Variants in PCDHA5 observed in about 807,000 individuals in gnomAD.
PCDHA5 encodes the protein protocadherin alpha-5.
A neutral mutation model predicts 61.6 loss-of-function variants in PCDHA5; 43 were observed. The ratio of observed to expected loss-of-function variants is 0.70; its 90% CI spans 0.55 to 0.90. The LOEUF is 0.90. Among genes scored for constraint, PCDHA5 ranks in the 40% least tolerant of loss-of-function variants. The pLI, the probability that PCDHA5 is intolerant of heterozygous loss-of-function variation, is 0.00. For missense variants in PCDHA5, 1,298 were observed against 1,222.7 expected (o/e 1.06, Z -0.92); for synonymous variants, 627 against 543.9 (o/e 1.15, Z -2.13).
intron 1 of PCDHA5, among the ~76,000 whole-genome samples, chr5:140,922,496 G>A (rs1554200851): frequency 6.6e-6 from 1 of 152,222 alleles, no homozygotes; most frequent in African/African-American, 2.4e-5. Flanking sequence ...ATCTGAGAGT[G>A]AGCAGATGCA....
Position 140,870,561 on chromosome 5 carries a change from C to A in PCDHA5, c.2352+46434C>A, listed in dbSNP as rs544569992. On this transcript the variant is annotated intron_variant, in intron 1 of 3. Transcript: ENST00000529859. Reference sequence around the variant, plus strand: ...CGCGGGACGCGGACGCGCAGGAGAACGCGCTGGTGTCCTACTCGCTGGTGG... The same window carrying A: ...CGCGGGACGCGGACGCGCAGGAGAAAGCGCTGGTGTCCTACTCGCTGGTGG... 86 of 1,614,010 alleles carry A rather than the reference C, an allele frequency of 5.3e-5. No homozygotes were observed. In the East Asian group the frequency reaches 1.7e-3, roughly 33 times the overall value.
At chr5:140,832,778 A>G (rs1554133657) in intron 1 of PCDHA5, among the ~76,000 whole-genome samples, 1 of 152,222 alleles carries the variant, frequency 6.6e-6, no homozygotes, top group Non-Finnish European at 1.5e-5. Flanking sequence ...AAGAGGTGCT[A>G]GAAAGGTACA....
chr5:140,836,724 T>C (rs2150268487), intron 1 of PCDHA5: 3 of 1,611,936 alleles, frequency 1.9e-6, no homozygotes, highest in Admixed American at 3.3e-5. Context: ...TCAGGGTCCA[T>C]CCTCTACAGA....
At chr5:141,009,551 C>G (rs551736337) in intron 3 of PCDHA5, 76 bp from the exon 4 acceptor site, 1 of 1,561,992 alleles carries the variant, frequency 6.4e-7, no homozygotes, top group East Asian at 2.2e-5. Flanking sequence ...ATGCAGTACT[C>G]CTGTACTCTA....
chr5:140,842,721 A>T lies in PCDHA5; in HGVS notation c.2352+18594A>T, dbSNP rs1554139308. 4 of 1,594,916 alleles carry T rather than the reference A, an allele frequency of 2.5e-6. No individual in the cohort carries two copies. In the South Asian group the frequency reaches 4.4e-5, roughly 18 times the overall value. On this transcript the variant is annotated intron_variant, in intron 1 of 3. Coordinates refer to ENST00000529859, the MANE Select transcript of PCDHA5 (RefSeq NM_018908.3). Reference sequence around the variant, plus strand: ...GAGTACACGGTGTTCGTGAAGGAGAACAACCCGCCGGGCTGCCACATCTTC... The same window carrying T: ...GAGTACACGGTGTTCGTGAAGGAGATCAACCCGCCGGGCTGCCACATCTTC...
intron 1 of PCDHA5, among the ~76,000 whole-genome samples, chr5:140,932,539 AT>A (rs782246299): frequency 3.3e-5 from 5 of 152,008 alleles, no homozygotes; most frequent in Admixed American, 2.0e-4. Context: ...AAGGTGCTTT[AT>A]TTAACATACA....
In PCDHA5 at chr5:140,823,670, C is replaced by G. The variant is rs1434393757; in HGVS notation, c.1895C>G (p.Thr632Arg). The G allele has an allele frequency of 2.5e-6, 4 of 1,614,038 alleles. No homozygotes were observed. Among genetic ancestry groups the G allele is most frequent in the Non-Finnish European group, 3.4e-6 (4 of 1,179,952 alleles). The change falls in exon 1 of 4, where the codon ACA becomes AGA. Residue 632 changes from threonine to arginine, a missense_variant. Transcript: ENST00000529859. Reference sequence around the variant, plus strand: ...GGGCTGTACACAGGCGAGATCAGCACAACACGCTCTCTGGATGAGACCGAA... The same window carrying G: ...GGGCTGTACACAGGCGAGATCAGCAGAACACGCTCTCTGGATGAGACCGAA... ...RVGLYTGEISTTRSLDETEAP... is the reference protein window; with the variant it reads ...RVGLYTGEISRTRSLDETEAP...
chr5:140,926,884 A>G, intron 1 of PCDHA5: 7 of 1,542,402 alleles, frequency 4.5e-6, no homozygotes, highest in Non-Finnish European at 6.1e-6. Flanking sequence ...GTGGACGCCT[A>G]GAGGGAGGAT....
At chr5:140,878,550 A>T (rs1483801784) in intron 1 of PCDHA5, among the ~76,000 whole-genome samples, 1 of 152,212 alleles carries the variant, frequency 6.6e-6, no homozygotes, top group African/African-American at 2.4e-5. Flanking sequence ...GTTTCAGATG[A>T]TCCCAAACTT....
At chr5:140,856,686 C>T (rs782337552) in intron 1 of PCDHA5, 1 of 1,597,202 alleles carries the variant, frequency 6.3e-7, no homozygotes, top group Non-Finnish European at 8.6e-7. Context: ...TTGTTGACAG[C>T]AACTGATGGA....
intron 1 of PCDHA5, chr5:140,968,723 GGTA>G (rs1199893104): frequency 9.3e-6 from 15 of 1,613,990 alleles, no homozygotes; most frequent in Non-Finnish European, 1.3e-5. Context: ...AGATGAGAGT[GGTA>G]GCACTTTCAA....
At chr5:140,873,301 A>G (rs1463024301) in intron 1 of PCDHA5, among the ~76,000 whole-genome samples, 1 of 152,238 alleles carries the variant, frequency 6.6e-6, no homozygotes, top group Non-Finnish European at 1.5e-5. Flanking sequence ...TTATAAATAT[A>G]ATAAAGGTGA....
chr5:140,917,948 A>G (rs1382859222), intron 1 of PCDHA5, among the ~76,000 whole-genome samples: 2 of 151,868 alleles, frequency 1.3e-5, no homozygotes, highest in Admixed American at 1.3e-4. Flanking sequence ...TGGTAGTTTG[A>G]TAGGAACATC....
At chr5:140,983,138 G>C (rs1217034245) in intron 3 of PCDHA5, among the ~76,000 whole-genome samples, 1 of 152,170 alleles carries the variant, frequency 6.6e-6, no homozygotes, top group Non-Finnish European at 1.5e-5. Flanking sequence ...CTGACTTTTA[G>C]TGCCTTGGCA....
At position 140,923,111 on chromosome 5, in the gene PCDHA5, G is replaced by T. The variant is rs192696214; in HGVS notation, c.2353-55838G>T. Among the ~76,000 whole-genome samples, 53 of 152,266 alleles carry T rather than the reference G, an allele frequency of 3.5e-4. No individual in the cohort carries two copies. In the East Asian group the frequency reaches 8.9e-3, roughly 25 times the overall value. ...TTGACCAATGGGAGTATGATTTTAA[G>T]TTTTTAGGGTCACACTTTGAAGGTG... On this transcript the variant is annotated intron_variant, in intron 1 of 3. Coordinates refer to ENST00000529859, the MANE Select transcript of PCDHA5 (RefSeq NM_018908.3).
intron 1 of PCDHA5, among the ~76,000 whole-genome samples, chr5:140,975,809 TA>T (rs146252033): frequency 0.06 from 9,090 of 152,310 alleles, 381 homozygotes; most frequent in East Asian, 0.11. Context: ...TTTATAATTT[TA>T]ATAGGAACTG....
chr5:140,836,356 C>T (rs2150258608), intron 1 of PCDHA5: 5 of 1,613,550 alleles, frequency 3.1e-6, no homozygotes, highest in South Asian at 2.2e-5. Context: ...GGGGAGCCCT[C>T]GCTGACAGCC....
Position 140,822,645 on chromosome 5 carries a change from C to A in PCDHA5, c.870C>A (p.Ser290=). The A allele has an allele frequency of 6.2e-7, 1 of 1,610,004 alleles. No homozygotes were observed. The highest frequency in any genetic ancestry group is 8.5e-7 in the Non-Finnish European group (1 of 1,177,368). ...ATCTTGTTCTTGACGATGTAAAGTC[C>A]AAATTTATAATTAATTCTAATACTG... The part of the protein sequence containing the change: ...FSNLVLDDVK[S]KFIINSNTGE... Residue 290 remains serine, a synonymous_variant, in exon 1 of 4, where the codon TCC becomes TCA. Coordinates refer to ENST00000529859, the MANE Select transcript of PCDHA5 (RefSeq NM_018908.3).
chr5:140,925,673 T>TAATAAA (rs2082657999), intron 1 of PCDHA5, among the ~76,000 whole-genome samples: 1 of 146,030 alleles, frequency 6.8e-6, no homozygotes, highest in Non-Finnish European at 1.5e-5. Context: ...ATAATAATAA[T>TAATAAA]AATAAAGCGA....
Sources: gnomAD v4.1 joint callset for allele counts (sites outside exome capture counted in the v4.1 genomes callset) on GRCh38, gnomAD v4.1.1 for gene constraint, MANE v1.5 for transcripts, NCBI Gene and HGNC (gene_info 2026-07-23, HGNC 2026-07-21) for gene names.